Variants in PTPRD observed in about 807,000 individuals in gnomAD.
PTPRD encodes protein tyrosine phosphatase receptor type D.
In PTPRD, 34 loss-of-function variants were observed where a neutral mutation model predicts 214.5. That is an observed-to-expected ratio of 0.16 (90% CI 0.12 to 0.21). The LOEUF (loss-of-function observed/expected upper bound fraction) is 0.21. Among genes scored for constraint, PTPRD ranks in the 10% least tolerant of loss-of-function variants. The pLI, the probability that PTPRD is intolerant of heterozygous loss-of-function variation, is 1.00. For missense variants in PTPRD, 2,545 were observed against 2,398.7 expected (o/e 1.06, Z -1.27); for synonymous variants, 1,128 against 845.7 (o/e 1.33, Z -5.79).
At chr9:9,269,196 A>T (rs187084296) in intron 9 of PTPRD, among the ~76,000 whole-genome samples, 17 of 151,430 alleles carry the variant, frequency 1.1e-4, no homozygotes, top group African/African-American at 4.1e-4. Context: ...TTAAAAAATT[A>T]TCAAAGAACC....
At chr9:8,439,491 T>C (rs1019337539) in intron 34 of PTPRD, among the ~76,000 whole-genome samples, 4 of 152,226 alleles carry the variant, frequency 2.6e-5, no homozygotes, top group Non-Finnish European at 4.4e-5. Context: ...TAGTATGCAG[T>C]TGAATTGTTT....
At chr9:10,604,167 ATTCTGACCT>A (rs374691809) in intron 2 of PTPRD, among the ~76,000 whole-genome samples, 146,958 of 151,612 alleles carry the variant, frequency 0.97, 71,403 homozygotes, top group East Asian at 1. Flanking sequence ...AGGACCATAT[ATTCTGACCT>A]ATTCTGACCA....
intron 11 of PTPRD, among the ~76,000 whole-genome samples, chr9:9,017,999 G>A (rs1589867724): frequency 6.6e-6 from 1 of 152,026 alleles, no homozygotes; most frequent in East Asian, 1.9e-4. Context: ...ACAATGAAGT[G>A]CAAGTATATG....
intron 11 of PTPRD, among the ~76,000 whole-genome samples, chr9:8,906,900 A>T (rs1299721479): frequency 6.6e-6 from 1 of 152,090 alleles, no homozygotes; most frequent in East Asian, 1.9e-4. Context: ...AAGGCAGAGG[A>T]GACTTGAGAG....
At chr9:10,404,398 T>G (rs2098326903) in intron 2 of PTPRD, among the ~76,000 whole-genome samples, 1 of 151,778 alleles carries the variant, frequency 6.6e-6, no homozygotes. Context: ...TAAGAACCCC[T>G]GCAGAGAGAT....
intron 6 of PTPRD, among the ~76,000 whole-genome samples, chr9:9,736,390 T>G (rs2098295184): frequency 6.6e-6 from 1 of 152,122 alleles, no homozygotes; most frequent in Non-Finnish European, 1.5e-5. Context: ...ACTCCTATAG[T>G]ATTCCATTGG....
chr9:9,813,363 AG>A (rs2047749706), intron 5 of PTPRD, among the ~76,000 whole-genome samples: 1 of 136,730 alleles, frequency 7.3e-6, no homozygotes, highest in African/African-American at 3.1e-5. Flanking sequence ...GAGTTTCTAA[AG>A]AAAAACAAAA....
intron 11 of PTPRD, among the ~76,000 whole-genome samples, chr9:8,985,872 C>T (rs1278863125): frequency 6.6e-6 from 1 of 152,066 alleles, no homozygotes; most frequent in African/African-American, 2.4e-5. Flanking sequence ...TTAAAGCAAA[C>T]TCTCATGAAA....
chr9:10,344,500 C>G (rs1170878767), intron 2 of PTPRD, among the ~76,000 whole-genome samples: 2 of 152,078 alleles, frequency 1.3e-5, no homozygotes, highest in East Asian at 3.9e-4. Context: ...TTAGGATTGT[C>G]TTGGCAATGT....
intron 2 of PTPRD, among the ~76,000 whole-genome samples, chr9:10,604,599 G>C (rs915485285): frequency 2.0e-5 from 3 of 151,836 alleles, no homozygotes; most frequent in Non-Finnish European, 4.4e-5. Flanking sequence ...TAAATGATGA[G>C]GCTAAGCTAT....
chr9:8,959,838 A>T (rs181670375), intron 11 of PTPRD, among the ~76,000 whole-genome samples: 203 of 152,190 alleles, frequency 1.3e-3, no homozygotes, highest in African/African-American at 4.7e-3. Context: ...ATGTAGACGG[A>T]GTTGCTAAAA....
At chr9:8,396,261 T>C (rs1400314996) in intron 36 of PTPRD, among the ~76,000 whole-genome samples, 1 of 152,168 alleles carries the variant, frequency 6.6e-6, no homozygotes, top group African/African-American at 2.4e-5. Flanking sequence ...ATGATTGACG[T>C]AAAAATGGAA....
intron 9 of PTPRD, among the ~76,000 whole-genome samples, chr9:9,215,141 G>C (rs1234905906): frequency 6.6e-6 from 1 of 152,126 alleles, no homozygotes; most frequent in Admixed American, 6.6e-5. Context: ...TAGCAAAATT[G>C]GTCCATGTGC....
chr9:9,256,922 G>T (rs1339571705), intron 9 of PTPRD, among the ~76,000 whole-genome samples: 2 of 151,882 alleles, frequency 1.3e-5, no homozygotes, highest in Non-Finnish European at 2.9e-5. Flanking sequence ...GAATCAAGTT[G>T]TTTTTATGCA....
chr9:8,448,211 C>T (rs116237041), intron 34 of PTPRD, among the ~76,000 whole-genome samples: 1,539 of 152,076 alleles, frequency 0.01, 29 homozygotes, highest in African/African-American at 0.035. Context: ...CCCAGTAGTC[C>T]CAGCTACTTG....
chr9:9,559,013 G>C (rs1292248413), intron 8 of PTPRD, among the ~76,000 whole-genome samples: 4 of 152,200 alleles, frequency 2.6e-5, no homozygotes, highest in Non-Finnish European at 5.9e-5. Context: ...TCACTAAAGT[G>C]GATGTCCGCA....
intron 9 of PTPRD, among the ~76,000 whole-genome samples, chr9:9,345,305 C>A (rs138519930): frequency 3.3e-5 from 5 of 151,858 alleles, no homozygotes; most frequent in African/African-American, 7.3e-5. Flanking sequence ...TAGGGCAGCC[C>A]TCATCTTCTG....
chr9:8,770,917 C>T (rs1049033149), intron 11 of PTPRD, among the ~76,000 whole-genome samples: 17 of 152,108 alleles, frequency 1.1e-4, no homozygotes, highest in African/African-American at 3.4e-4. Flanking sequence ...TGGTGGCTCA[C>T]GCCTGTAATA....
chr9:10,254,485 G>T (rs183499377), intron 3 of PTPRD, among the ~76,000 whole-genome samples: 1 of 151,866 alleles, frequency 6.6e-6, no homozygotes, highest in African/African-American at 2.4e-5. Context: ...TGGCCATCTC[G>T]GTGTGCATGA....
Sources: gnomAD v4.1 joint callset for allele counts (sites outside exome capture counted in the v4.1 genomes callset) on GRCh38, gnomAD v4.1.1 for gene constraint, MANE v1.5 for transcripts, NCBI Gene and HGNC (gene_info 2026-07-23, HGNC 2026-07-21) for gene names.